Variants in CDH4 observed in about 807,000 individuals in gnomAD.
CDH4 encodes the protein cadherin 4, also known as cadherin-4.
CDH4 carries 33 observed loss-of-function variants against 86.0 expected under a neutral mutation model. That is an observed-to-expected ratio of 0.38 (90% confidence interval 0.29 to 0.51). The LOEUF (loss-of-function observed/expected upper bound fraction) is 0.51, where lower values mean the gene tolerates loss of function less well. Among genes scored for constraint, CDH4 ranks in the 20% least tolerant of loss-of-function variants. CDH4 has a pLI of 0.86. For missense variants in CDH4, 1,114 were observed against 1,307.4 expected (o/e 0.85, Z 2.28); for synonymous variants, 555 against 549.4 (o/e 1.01, Z -0.14).
chr20:61,389,930 A>G lies in CDH4; in HGVS notation c.169+134993A>G, dbSNP rs866586905. On this transcript the variant is annotated intron_variant, in intron 2 of 15. Transcript: ENST00000614565. ...ATAGCACCATGTCTAGGAAACCCCGATTGGGTTCGTGCGGTCATAGGGTGT... is the reference window on the plus strand; with the variant it reads ...ATAGCACCATGTCTAGGAAACCCCGGTTGGGTTCGTGCGGTCATAGGGTGT... 5.3e-5 allele frequency among the ~76,000 whole-genome samples: 8 copies of G among 149,550 alleles called. No individual in the cohort carries two copies. The Middle Eastern group carries it at 0.011, about 205-fold the overall frequency.
At chr20:61,512,298 G>C (rs1409292088) in intron 2 of CDH4, among the ~76,000 whole-genome samples, 2 of 152,132 alleles carry the variant, frequency 1.3e-5, no homozygotes, top group Non-Finnish European at 2.9e-5. Context: ...TGTGAGTGTG[G>C]CCCTCAAAGA....
At chr20:61,576,108 G>A (rs1252654403) in intron 2 of CDH4, among the ~76,000 whole-genome samples, 1 of 152,230 alleles carries the variant, frequency 6.6e-6, no homozygotes, top group African/African-American at 2.4e-5. Flanking sequence ...GAGGCACGCA[G>A]TGTGGGCTCC....
rs1985034496 is a variant in CDH4, at chr20:61,894,963, C to T, written c.1104C>T (p.Leu368=). 8.1e-6 allele frequency: 13 copies of T among 1,613,842 alleles called. No homozygotes were observed. Among genetic ancestry groups the T allele is most frequent in the Non-Finnish European group, 1.1e-5 (13 of 1,179,982 alleles). The change falls in exon 8 of 16, where the codon CTC becomes CTT. Residue 368 remains leucine (L), a synonymous_variant. Transcript: ENST00000614565. The stretch of plus-strand genomic sequence containing the variant: ...AGGCCACAGATATGGAAGGAAATCT[C>T]AACTATGGCCTCTCAAACACAGCCA... The part of the protein sequence containing the change: ...IVQATDMEGN[L]NYGLSNTATA...
At chr20:61,267,110 G>GA (rs2123131454) in intron 2 of CDH4, among the ~76,000 whole-genome samples, 1 of 152,312 alleles carries the variant, frequency 6.6e-6, no homozygotes, top group African/African-American at 2.4e-5. Flanking sequence ...TCTGCAGAGA[G>GA]AGAGAGCAGC....
rs79723112 is a variant in CDH4, at chr20:61,443,724, C to T, written c.169+188787C>T. Among the ~76,000 whole-genome samples, 44 of 152,226 alleles carry T rather than the reference C, an allele frequency of 2.9e-4. 1 individual carries two copies. In the East Asian group the frequency reaches 8.5e-3, roughly 29 times the overall value. ...AAGGCTGCGACTCATATGATTTATA[C>T]GCGGGCAGGGCCTGCAGGACCGGGT... On this transcript the variant is annotated intron_variant, in intron 2 of 15. Coordinates refer to ENST00000614565, the MANE Select transcript of CDH4 (RefSeq NM_001794.5).
At chr20:61,530,354 T>TA (rs2085942698) in intron 2 of CDH4, among the ~76,000 whole-genome samples, 1 of 152,078 alleles carries the variant, frequency 6.6e-6, no homozygotes, top group African/African-American at 2.4e-5. Flanking sequence ...TCTTAGCTGT[T>TA]ATGGCTGTTG....
At chr20:61,375,758 T>G (rs2084865336) in intron 2 of CDH4, among the ~76,000 whole-genome samples, 1 of 136,324 alleles carries the variant, frequency 7.3e-6, no homozygotes, top group African/African-American at 2.7e-5. Context: ...GTGATGATGG[T>G]GGTGCTGGTG....
intron 2 of CDH4, among the ~76,000 whole-genome samples, chr20:61,434,450 A>G (rs1404314503): frequency 1.3e-5 from 2 of 152,220 alleles, no homozygotes; most frequent in Admixed American, 1.3e-4. Context: ...TATGAGATAG[A>G]TTGCACGTTC....
At chr20:61,795,255 C>T (rs1248184936) in intron 4 of CDH4, among the ~76,000 whole-genome samples, 1 of 59,462 alleles carries the variant, frequency 1.7e-5, no homozygotes, top group Non-Finnish European at 3.0e-5. Context: ...TCTCTAAAAT[C>T]CTAAGTTTAG....
chr20:61,666,595 C>T (rs957433212), intron 2 of CDH4, among the ~76,000 whole-genome samples: 5 of 152,178 alleles, frequency 3.3e-5, no homozygotes, highest in Non-Finnish European at 7.3e-5. Context: ...GCCTAGGGCT[C>T]ACAGAGGCCA....
At chr20:61,910,644 G>A in intron 9 of CDH4, 37 bp downstream of exon 9, 4 of 1,582,640 alleles carry the variant, frequency 2.5e-6, no homozygotes, top group Non-Finnish European at 2.6e-6. Flanking sequence ...GGCACCCCAA[G>A]TTCTGCCACC....
rs183623088 is a variant in CDH4 at position 61,844,615 on chromosome 20, G to A, written c.577-53G>A. On this transcript the variant is annotated intron_variant, in intron 4 of 15. Transcript: ENST00000614565. ...GGGATGAATGTCAGAGATCGGCCCC[G>A]GGCCTCTCCTCACCACAGGATAACC... The A allele has an allele frequency of 1.3e-3, 2,057 of 1,550,014 alleles. 11 individuals are homozygous for A. Among genetic ancestry groups the A allele is most frequent in the Non-Finnish European group, 8.5e-4 (970 of 1,137,876 alleles).
chr20:61,788,730 AC>A (rs973638635), intron 4 of CDH4, among the ~76,000 whole-genome samples: 7 of 152,298 alleles, frequency 4.6e-5, no homozygotes, highest in African/African-American at 1.4e-4. Flanking sequence ...AATATTAGAG[AC>A]CTAAGGAGGG....
At chr20:61,802,496 G>A (rs561965600) in intron 4 of CDH4, among the ~76,000 whole-genome samples, 7 of 152,112 alleles carry the variant, frequency 4.6e-5, no homozygotes, top group African/African-American at 1.7e-4. Context: ...TGAGTTAGTT[G>A]TAAAGAAAGG....
chr20:61,494,095 G>A (rs1183426467), intron 2 of CDH4, among the ~76,000 whole-genome samples: 1 of 152,232 alleles, frequency 6.6e-6, no homozygotes, highest in African/African-American at 2.4e-5. Flanking sequence ...AACTCCAGGA[G>A]CAGGTGGAGA....
At chr20:61,856,325 G>C (rs1313376439) in intron 6 of CDH4, among the ~76,000 whole-genome samples, 5 of 152,170 alleles carry the variant, frequency 3.3e-5, no homozygotes, top group Non-Finnish European at 5.9e-5. Context: ...GGGGACATGA[G>C]CATGCCAGTA....
intron 2 of CDH4, among the ~76,000 whole-genome samples, chr20:61,693,780 T>C (rs1468724921): frequency 6.6e-6 from 1 of 151,684 alleles, no homozygotes; most frequent in Non-Finnish European, 1.5e-5. Flanking sequence ...ATGCCCCCCA[T>C]AATTGTATGA....
At chr20:61,312,136 TGTG>T (rs1323364020) in intron 2 of CDH4, among the ~76,000 whole-genome samples, 1 of 138,426 alleles carries the variant, frequency 7.2e-6, no homozygotes, top group East Asian at 2.2e-4. Context: ...GTGGTGTGTG[TGTG>T]GTGTGTGCAT....
At chr20:61,432,770 T>G (rs1480957558) in intron 2 of CDH4, among the ~76,000 whole-genome samples, 2 of 151,954 alleles carry the variant, frequency 1.3e-5, no homozygotes, top group Non-Finnish European at 2.9e-5. Flanking sequence ...TACCTCAAAG[T>G]CACCTCATGT....
Sources: allele counts gnomAD v4.1 joint callset (sites outside exome capture counted in the v4.1 genomes callset), GRCh38; gene constraint gnomAD v4.1.1; transcripts MANE v1.5; gene names NCBI Gene and HGNC (gene_info 2026-07-23, HGNC 2026-07-21).